EIF5B: variants seen among roughly 807,000 people sequenced by gnomAD.
EIF5B encodes eIF-5B.
In EIF5B, 47 loss-of-function variants were observed where a neutral mutation model predicts 147.5. The ratio of observed to expected loss-of-function variants is 0.32; its 90% CI spans 0.25 to 0.41. The LOEUF (loss-of-function observed/expected upper bound fraction) is 0.41. EIF5B is among the 10% of genes least tolerant of loss of function. The pLI is 1.00. For missense variants in EIF5B, 1,064 were observed against 1,413.2 expected (o/e 0.75, Z 3.96); for synonymous variants, 455 against 456.2 (o/e 1.00, Z 0.03).
Position 99,353,005 on chromosome 2 carries a change from C to CTTTTTTTTTTTTTTTTTTTTTTT in EIF5B, c.36-7226_36-7204dup, listed in dbSNP as rs529053292. ...GCCTGGCTAATTTTTTCTTCTTCTT[C>CTTTTTTTTTTTTTTTTTTTTTTT]TTTTTTTTTTTTTTTTTTTTTTTTT... is the stretch of plus-strand genomic sequence containing the variant. On this transcript the variant is annotated intron_variant, in intron 1 of 23. Transcript: ENST00000289371. 9.5e-5 allele frequency among the ~76,000 whole-genome samples: 6 copies of CTTTTTTTTTTTTTTTTTTTTTTT among 62,856 alleles called. 1 individual carries two copies. The highest frequency in any genetic ancestry group is 1.1e-4 in the Non-Finnish European group (4 of 36,470). The allele number at this position is 62,856 out of a possible 152,430, so 41.2% of individuals were successfully genotyped here. A position where few individuals can be genotyped will look rare whatever the true frequency, so the allele number is the denominator to read the frequency against.
intron 8 of EIF5B, among the ~76,000 whole-genome samples, chr2:99,369,730 A>C (rs1559251734): frequency 2.0e-5 from 3 of 152,204 alleles, no homozygotes. Flanking sequence ...GAAAGGATAC[A>C]CTTTGGGAGG....
intron 3 of EIF5B, 96 bp from the exon 4 acceptor site, chr2:99,361,052 T>A: frequency 8.7e-7 from 1 of 1,145,828 alleles, no homozygotes; most frequent in East Asian, 2.8e-5. Flanking sequence ...TTTGAAATCA[T>A]TTTGAGATTT....
chr2:99,363,832 T>G lies in EIF5B; in HGVS notation c.1107T>G (p.Leu369=). The change falls in exon 5 of 24, where the codon CTT becomes CTG. Residue 369 remains leucine, a synonymous_variant. Coordinates refer to ENST00000289371, the MANE Select transcript of EIF5B (RefSeq NM_015904.4). ...AAGAGGAAGAACGTATAAAACGGCT[T>G]GAAGAATTAGAAGCCAAGCGTAAAG... ...KREEEERIKR[L]EELEAKRKEE... 1 of 1,610,406 alleles carries G rather than the reference T, an allele frequency of 6.2e-7. No individual in the cohort carries two copies. The highest frequency in any genetic ancestry group is 8.5e-7 in the Non-Finnish European group (1 of 1,179,180).
chr2:99,353,371 A>C (rs13001438), intron 1 of EIF5B, among the ~76,000 whole-genome samples: 127,642 of 151,276 alleles, frequency 0.84, 54,226 homozygotes, highest in Middle Eastern at 0.98. Flanking sequence ...GTTGCCCAGT[A>C]TGATCTAGAA....
At chr2:99,356,564 AT>A (rs1354827721) in intron 1 of EIF5B, among the ~76,000 whole-genome samples, 2 of 152,098 alleles carry the variant, frequency 1.3e-5, no homozygotes, top group East Asian at 1.9e-4. Flanking sequence ...CCCATTGCCC[AT>A]TGGGAGCTCT....
rs757897545 is a variant in EIF5B, at chr2:99,360,516, C to T, written c.213C>T (p.Gly71=). Reference sequence around the variant, plus strand: ...AAGAATTGTCTTTGGAAGCTCAAGGCATCAAAGCTGACAGAGAAACTGTTG... The same window carrying T: ...AAGAATTGTCTTTGGAAGCTCAAGGTATCAAAGCTGACAGAGAAACTGTTG... ...ELEELSLEAQ[G]IKADRETVAV... The change falls in exon 3 of 24, where the codon GGC becomes GGT. Residue 71 remains glycine (G), a synonymous_variant. Coordinates refer to ENST00000289371, the MANE Select transcript of EIF5B (RefSeq NM_015904.4). 1.2e-6 allele frequency: 2 copies of T among 1,613,648 alleles called. No individual in the cohort carries two copies. Among genetic ancestry groups the T allele is most frequent in the South Asian group, 2.2e-5 (2 of 90,952 alleles).
At chr2:99,392,649 C>T (rs1674961598) in intron 17 of EIF5B, among the ~76,000 whole-genome samples, 1 of 152,084 alleles carries the variant, frequency 6.6e-6, no homozygotes, top group Non-Finnish European at 1.5e-5. Flanking sequence ...CCATTTATTT[C>T]CTCCTTCGTG....
At chr2:99,351,449 T>G (rs1183125667) in intron 1 of EIF5B, among the ~76,000 whole-genome samples, 2 of 152,334 alleles carry the variant, frequency 1.3e-5, no homozygotes, top group Non-Finnish European at 2.9e-5. Flanking sequence ...GACATGTATT[T>G]TCATTTCTCT....
chr2:99,398,081 A>G (rs1257364145), intron 22 of EIF5B: 7 of 152,126 alleles, frequency 4.6e-5, no homozygotes, highest in African/African-American at 1.7e-4. Flanking sequence ...TTCCAGCCTC[A>G]TCTAGTACTT....
intron 1 of EIF5B, among the ~76,000 whole-genome samples, chr2:99,341,460 GCTA>G (rs2094259255): frequency 6.6e-6 from 1 of 152,168 alleles, no homozygotes; most frequent in Non-Finnish European, 1.5e-5. Context: ...AACTCATTCA[GCTA>G]CTTTTAATGT....
In EIF5B at chr2:99,344,142, G is replaced by A. The variant is rs188546275; in HGVS notation, c.35+6553G>A. On this transcript the variant is annotated intron_variant, in intron 1 of 23. Transcript: ENST00000289371. ...CACCATGTTAGCCAGGATGGGTCTCGATCTCCTGACCTCGTTATCCGCCCG... is the reference window on the plus strand; with the variant it reads ...CACCATGTTAGCCAGGATGGGTCTCAATCTCCTGACCTCGTTATCCGCCCG... 1.2e-3 allele frequency among the ~76,000 whole-genome samples: 176 copies of A among 151,952 alleles called. 2 individuals are homozygous for A. In the East Asian group the frequency reaches 0.03, roughly 26 times the overall value.
At chr2:99,398,478 T>C (rs1012178173) in intron 22 of EIF5B, 5 of 262,166 alleles carry the variant, frequency 1.9e-5, no homozygotes, top group African/African-American at 1.1e-4. Context: ...AGAGCAAAAA[T>C]AGGAAATGAC....
chr2:99,339,920 G>A (rs1332343001), intron 1 of EIF5B, among the ~76,000 whole-genome samples: 1 of 152,090 alleles, frequency 6.6e-6, no homozygotes, highest in Non-Finnish European at 1.5e-5. Flanking sequence ...TTTTGTTGTT[G>A]TTGTTGTTGT....
Position 99,394,872 on chromosome 2 carries a change from A to T in EIF5B, c.3243A>T (p.Gln1081His). The T allele has an allele frequency of 6.4e-7, 1 of 1,570,766 alleles. No individual in the cohort carries two copies. Among genetic ancestry groups the T allele is most frequent in the Non-Finnish European group, 8.7e-7 (1 of 1,155,534 alleles). ...GACAAGACTACAAGAAACAGAAACA[A>T]GAAGAATTTAAGTAAGTTACTGTTT... is the stretch of plus-strand genomic sequence containing the variant. Reference protein sequence around the residue: ...KYRQDYKKQKQEEFKHIAVFP... With the variant: ...KYRQDYKKQKHEEFKHIAVFP... Residue 1081 changes from glutamine (Q) to histidine (H), a missense_variant, in exon 21 of 24, where the codon CAA becomes CAT. This residue lies in a region of EIF5B where 380 missense variants were observed against 715.6 expected (regional missense o/e 0.53). Transcript: ENST00000289371.
intron 1 of EIF5B, among the ~76,000 whole-genome samples, chr2:99,344,903 A>G (rs1040412934): frequency 6.6e-6 from 1 of 152,158 alleles, no homozygotes; most frequent in African/African-American, 2.4e-5. Context: ...TCTTTTCTCC[A>G]TTATCTTGAT....
chr2:99,398,946 C>A (rs1238607196), intron 23 of EIF5B, 37 bp downstream of exon 23: 2 of 1,597,762 alleles, frequency 1.3e-6, no homozygotes, highest in Non-Finnish European at 1.7e-6. Flanking sequence ...CTTTAAGCAA[C>A]AGGGAATCAC....
intron 11 of EIF5B, 34 bp from the exon 12 acceptor site, chr2:99,379,284 C>A: frequency 1.3e-6 from 2 of 1,559,814 alleles, no homozygotes; most frequent in South Asian, 2.3e-5. Context: ...TTTCCATGTT[C>A]AAATACCAAT....
chr2:99,390,131 C>T (rs1674893226), intron 15 of EIF5B, 88 bp from the exon 16 acceptor site: 2 of 1,425,556 alleles, frequency 1.4e-6, no homozygotes, highest in Non-Finnish European at 1.9e-6. Context: ...AATGATGAGC[C>T]ATTTGCTCAT....
At chr2:99,374,267 C>T (rs1447126884) in intron 9 of EIF5B, among the ~76,000 whole-genome samples, 12 of 123,012 alleles carry the variant, frequency 9.8e-5, no homozygotes, top group Non-Finnish European at 1.6e-4. Flanking sequence ...CCAGCCTGGG[C>T]GACAGAGCGA....
Sources: gnomAD v4.1 joint callset for allele counts (sites outside exome capture counted in the v4.1 genomes callset) on GRCh38, gnomAD v4.1.1 for gene constraint, gnomAD v4.1.1 regional missense constraint, MANE v1.5 for transcripts, NCBI Gene and HGNC (gene_info 2026-07-23, HGNC 2026-07-21) for gene names.